RAD9B: variants seen among roughly 807,000 people sequenced by gnomAD.
RAD9B encodes the protein cell cycle checkpoint control protein RAD9B.
Under a neutral mutation model 48.3 loss-of-function variants are expected in RAD9B, and 41 were observed. That is an observed-to-expected ratio of 0.85 (90% CI 0.66 to 1.10). The LOEUF is 1.10. Ranked by LOEUF, RAD9B falls within the 50% of genes least tolerant of loss-of-function variation. RAD9B has a pLI of 0.00. For missense variants in RAD9B, 444 were observed against 485.1 expected, an observed-to-expected ratio of 0.92 and a Z score of 0.80; for synonymous variants, 160 against 157.9, an observed-to-expected ratio of 1.01 and a Z score of -0.10.
intron 10 of RAD9B, among the ~76,000 whole-genome samples, chr12:110,524,294 G>A (rs1036509243): frequency 6.6e-6 from 1 of 152,226 alleles, no homozygotes; most frequent in Non-Finnish European, 1.5e-5. Context: ...TGGGCACAGT[G>A]TCTCATGCCT....
At position 110,532,129 on chromosome 12, in the gene RAD9B, T is replaced by C. The variant is rs1233410195; in HGVS notation, c.*1476T>C. ...GAAAATGGGCCTTAACCAAGCTTTTTGTGGTAACTGGCAATGCCCACATAA... is the reference window on the plus strand; with the variant it reads ...GAAAATGGGCCTTAACCAAGCTTTTCGTGGTAACTGGCAATGCCCACATAA... On this transcript the variant is annotated 3_prime_UTR_variant, in exon 11 of 11. Transcript: ENST00000409300. The C allele has an allele frequency of 6.5e-6, 1 of 153,000 alleles. No homozygotes were observed. The highest frequency in any genetic ancestry group is 1.5e-5 in the Non-Finnish European group (1 of 68,624). The allele number at this position is 153,000 out of a possible 1,614,324, so 9.5% of individuals were successfully genotyped here. A position where few individuals can be genotyped will look rare whatever the true frequency, so the allele number is the denominator to read the frequency against.
chr12:110,505,667 G>A lies in RAD9B; in HGVS notation c.168G>A (p.Leu56=). The A allele has an allele frequency of 6.3e-7, 1 of 1,583,760 alleles. No homozygotes were observed. Among genetic ancestry groups the A allele is most frequent in the Non-Finnish European group, 8.6e-7 (1 of 1,163,706 alleles). ...CTCGGTCAGCATATGGATGTGTCCT[G>A]TTCTCTCCTGTGTTTTTTCAGCATT... The part of the protein sequence containing the change: ...NSSRSAYGCV[L]FSPVFFQHYQ... Residue 56 remains leucine (L), a synonymous_variant, in exon 3 of 11, where the codon CTG becomes CTA. Transcript: ENST00000409300.
intron 10 of RAD9B, 133 bp from the exon 11 acceptor site, chr12:110,530,392 G>A: frequency 2.4e-6 from 2 of 816,472 alleles, no homozygotes; most frequent in Non-Finnish European, 4.0e-6. Context: ...GGTTCTGGGT[G>A]TTCTGTGAAC....
rs1022287734 is a variant in RAD9B, at chr12:110,530,453, C to A, written c.1126-72C>A. ...ATACTGGTCAGGTTTCTGAGGAGGGCTGTCACCTGGAGCATTTAATGAGCA... is the reference window on the plus strand; with the variant it reads ...ATACTGGTCAGGTTTCTGAGGAGGGATGTCACCTGGAGCATTTAATGAGCA... On this transcript the variant is annotated intron_variant, in intron 10 of 10. Coordinates refer to ENST00000409300, the MANE Select transcript of RAD9B (RefSeq NM_001286535.2). 6.4e-5 allele frequency: 91 copies of A among 1,417,594 alleles called. No individual in the cohort carries two copies. The African/African-American group carries it at 1.2e-3, about 19-fold the overall frequency. The allele number at this position is 1,417,594 out of a possible 1,614,324, so 87.8% of individuals were successfully genotyped here. A position where few individuals can be genotyped will look rare whatever the true frequency, so the allele number is the denominator to read the frequency against.
chr12:110,519,126 C>T (rs538172336), intron 8 of RAD9B, among the ~76,000 whole-genome samples, 188 bp downstream of exon 8: 5 of 152,214 alleles, frequency 3.3e-5, no homozygotes, highest in East Asian at 1.9e-4. Flanking sequence ...TTTTTTCAGA[C>T]GGAGTCTCAC....
intron 4 of RAD9B, among the ~76,000 whole-genome samples, chr12:110,507,423 A>G (rs985300312): frequency 7.1e-6 from 1 of 141,416 alleles, no homozygotes; most frequent in South Asian, 2.1e-4. Context: ...TATAATATAT[A>G]ATATATATGT....
chr12:110,527,701 AG>A (rs1565903385), intron 10 of RAD9B, among the ~76,000 whole-genome samples: 1 of 152,228 alleles, frequency 6.6e-6, no homozygotes, highest in Non-Finnish European at 1.5e-5. Flanking sequence ...TATCGGGACT[AG>A]GGTATAGGTA....
chr12:110,518,652 T>A, intron 6 of RAD9B, 24 bp from the exon 7 acceptor site: 1 of 1,482,712 alleles, frequency 6.7e-7, no homozygotes, highest in Non-Finnish European at 9.2e-7. Flanking sequence ...ATTTTATTCT[T>A]TATTTTCCCA....
At chr12:110,507,450 A>AAT (rs2063319858) in intron 4 of RAD9B, among the ~76,000 whole-genome samples, 1 of 138,742 alleles carries the variant, frequency 7.2e-6, no homozygotes, top group African/African-American at 2.7e-5. Flanking sequence ...TATAATATAT[A>AAT]ACACGTATTA....
intron 6 of RAD9B, among the ~76,000 whole-genome samples, chr12:110,517,485 G>T (rs1418659359): frequency 6.6e-6 from 1 of 151,902 alleles, no homozygotes; most frequent in Admixed American, 6.6e-5. Flanking sequence ...TTAGCTGGAC[G>T]TGGTGGTGTG....
At chr12:110,513,027 G>A (rs1464731066) in intron 5 of RAD9B, 149 bp downstream of exon 5, 7 of 537,260 alleles carry the variant, frequency 1.3e-5, no homozygotes, top group African/African-American at 4.1e-5. Flanking sequence ...GTGCAGTGGC[G>A]CGATCTTGGC....
chr12:110,519,157 G>GC (rs1334065251), intron 8 of RAD9B, among the ~76,000 whole-genome samples: 13 of 152,318 alleles, frequency 8.5e-5, no homozygotes, highest in African/African-American at 3.1e-4. Context: ...AGGCTGGAGT[G>GC]CAGTGGCATG....
At chr12:110,516,583 AG>A (rs1467973928) in intron 6 of RAD9B, among the ~76,000 whole-genome samples, 1 of 152,088 alleles carries the variant, frequency 6.6e-6, no homozygotes, top group East Asian at 1.9e-4. Context: ...AGGCTGAGGC[AG>A]GCGGATCATG....
intron 4 of RAD9B, among the ~76,000 whole-genome samples, chr12:110,512,144 CTTTTTTTT>C (rs777973965): frequency 7.1e-6 from 1 of 141,078 alleles, no homozygotes; most frequent in Non-Finnish European, 1.6e-5. Context: ...CGTGCCTGGC[CTTTTTTTT>C]TTTTTTCTTT....
chr12:110,520,139 A>G (rs1442721269), intron 9 of RAD9B, among the ~76,000 whole-genome samples: 1 of 152,224 alleles, frequency 6.6e-6, no homozygotes, highest in Non-Finnish European at 1.5e-5. Flanking sequence ...AGAATTGAAC[A>G]AGACTGTCTG....
At chr12:110,503,964 C>T (rs2063183053) in intron 2 of RAD9B, 88 bp downstream of exon 2, 3 of 725,494 alleles carry the variant, frequency 4.1e-6, no homozygotes, top group African/African-American at 1.8e-5. Context: ...CTAGGAAATC[C>T]AGAAATTGTA....
intron 1 of RAD9B, 87 bp from the exon 2 acceptor site, chr12:110,503,719 A>G: frequency 1.1e-6 from 1 of 896,520 alleles, no homozygotes; most frequent in Non-Finnish European, 1.8e-6. Context: ...ATTTCTCTTG[A>G]GTCCTCTGAA....
chr12:110,521,184 T>A (rs970552526), intron 9 of RAD9B, among the ~76,000 whole-genome samples: 1 of 152,162 alleles, frequency 6.6e-6, no homozygotes. Context: ...TGAGACAGGG[T>A]CTCACTCTGT....
chr12:110,519,301 A>AC (rs2063701775), intron 8 of RAD9B, among the ~76,000 whole-genome samples: 1 of 151,526 alleles, frequency 6.6e-6, no homozygotes, highest in African/African-American at 2.4e-5. Flanking sequence ...ACGGGGTTTC[A>AC]CCATGTTGGC....
Sources: gnomAD v4.1 joint callset for allele counts (sites outside exome capture counted in the v4.1 genomes callset) on GRCh38, gnomAD v4.1.1 for gene constraint, MANE v1.5 for transcripts, NCBI Gene and HGNC (gene_info 2026-07-23, HGNC 2026-07-21) for gene names.